The following CES1 variants were observed in gnomAD, a reference collection of about 807,000 sequenced individuals.
CES1 encodes the protein carboxylesterase 1, also known as liver carboxylesterase 1.
Under a neutral mutation model 53.0 loss-of-function variants are expected in CES1, and 50 were observed. That is an observed-to-expected ratio of 0.94 (90% CI 0.75 to 1.19). The LOEUF (loss-of-function observed/expected upper bound fraction) is 1.19. Among genes scored for constraint, CES1 ranks in the 50% most tolerant of loss-of-function variants. The pLI is 0.00. For missense variants in CES1, 534 were observed against 538.0 expected, an observed-to-expected ratio of 0.99 and a Z score of 0.07; for synonymous variants, 202 against 210.1, an observed-to-expected ratio of 0.96 and a Z score of 0.33.
intron 7 of CES1, among the ~76,000 whole-genome samples, chr16:55,818,088 T>A (rs1210092918): frequency 6.6e-6 from 1 of 152,072 alleles, no homozygotes; most frequent in East Asian, 1.9e-4. Flanking sequence ...CAGAGTCCAG[T>A]GATAGAGGCC....
chr16:55,817,766 G>A (rs2032007266), intron 7 of CES1, among the ~76,000 whole-genome samples: 1 of 150,772 alleles, frequency 6.6e-6, no homozygotes, highest in Non-Finnish European at 1.5e-5. Context: ...GTCTGTGTGT[G>A]TGTGTGTTTG....
At chr16:55,814,766 T>A (rs533435935) in intron 8 of CES1, among the ~76,000 whole-genome samples, 7 of 152,246 alleles carry the variant, frequency 4.6e-5, no homozygotes, top group African/African-American at 1.4e-4. Context: ...ACCTTTGGTC[T>A]GCTCTACAAA....
In CES1 at chr16:55,826,294, A is replaced by G. The variant is rs149261413; in HGVS notation, c.262T>C (p.Cys88Arg). ...TGCCCCGCCTTGGGATCTTGGGTGCACCTGGGGAGGGGGAAAGAAGAACCC... is the reference window on the plus strand; with the variant it reads ...TGCCCCGCCTTGGGATCTTGGGTGCGCCTGGGGAGGGGGAAAGAAGAACCC... ...VKNATSYPPM[C>R]TQDPKAGQLL... Residue 88 changes from cysteine to arginine, a missense_variant and splice_region_variant, in exon 3 of 14, where the codon TGC becomes CGC. Transcript: ENST00000360526. The G allele has an allele frequency of 2.3e-4, 375 of 1,613,918 alleles. No individual in the cohort carries two copies. Among genetic ancestry groups the G allele is most frequent in the Non-Finnish European group, 2.9e-4 (342 of 1,179,808 alleles).
chr16:55,824,068 T>C (rs1597085399), intron 3 of CES1, among the ~76,000 whole-genome samples: 1 of 152,340 alleles, frequency 6.6e-6, no homozygotes, highest in East Asian at 1.9e-4. Context: ...GGGCAGCCCT[T>C]GTATCTCAGC....
At chr16:55,822,090 GC>G (rs1263509283) in intron 4 of CES1, among the ~76,000 whole-genome samples, 1 of 152,244 alleles carries the variant, frequency 6.6e-6, no homozygotes, top group Non-Finnish European at 1.5e-5. Context: ...AGGGCCTGGG[GC>G]CCAGTGAAAG....
intron 2 of CES1, among the ~76,000 whole-genome samples, 167 bp downstream of exon 2, chr16:55,828,600 G>T (rs1251170786): frequency 6.6e-6 from 1 of 151,988 alleles, no homozygotes; most frequent in Admixed American, 6.5e-5. Context: ...ATAAACATGT[G>T]TTAAATAATG....
At chr16:55,811,210 C>CAA (rs147594975) in intron 9 of CES1, among the ~76,000 whole-genome samples, 200 bp from the exon 10 acceptor site, 2,883 of 139,108 alleles carry the variant, frequency 0.021, 75 homozygotes, top group African/African-American at 0.059. Flanking sequence ...GCAAAGTTTA[C>CAA]AAAAAAAAAA....
intron 7 of CES1, among the ~76,000 whole-genome samples, chr16:55,817,838 G>A (rs1164593912): frequency 6.6e-6 from 1 of 152,148 alleles, no homozygotes; most frequent in Admixed American, 6.5e-5. Context: ...GCTTCCACAA[G>A]ATCTCAGAAA....
At position 55,810,605 on chromosome 16, in the gene CES1, G is replaced by C. The variant is rs370123191; in HGVS notation, c.1230C>G (p.Asp410Glu). ...ATEKYLGGTD[D>E]TVKKKDLFLD... ...GGAACAGGTCTTTCTTTTTGACAGTGTCGTCTGTTCCTCCTAAGTATTTCT... is the reference window on the plus strand; with the variant it reads ...GGAACAGGTCTTTCTTTTTGACAGTCTCGTCTGTTCCTCCTAAGTATTTCT... The change falls in exon 11 of 14, where the codon GAC (aspartate) becomes GAG (glutamate). Residue 410 changes from aspartate to glutamate, a missense_variant. This residue lies in a region of CES1 where 269 missense variants were observed against 206.6 expected (regional missense o/e 1.30). Coordinates refer to ENST00000360526, the MANE Select transcript of CES1 (RefSeq NM_001025195.2). 79 of 1,613,942 alleles carry C rather than the reference G, an allele frequency of 4.9e-5. No homozygotes were observed. The highest frequency in any genetic ancestry group is 6.5e-5 in the Non-Finnish European group (77 of 1,179,966).
chr16:55,817,966 C>T (rs1213958877), intron 7 of CES1, among the ~76,000 whole-genome samples: 2 of 152,294 alleles, frequency 1.3e-5, no homozygotes, highest in Admixed American at 6.5e-5. Flanking sequence ...TGCCTCCTTC[C>T]GGGCGTTAGA....
Position 55,810,992 on chromosome 16 carries a change from GT to G in CES1, c.1104del (p.Leu369SerfsTer28). 6.2e-7 allele frequency: 1 copy of G among 1,608,876 alleles called. No individual in the cohort carries two copies. Among genetic ancestry groups the G allele is most frequent in the Non-Finnish European group, 8.5e-7 (1 of 1,178,378 alleles). ...WLIPMQLMSY[P>X]LSEGQLDQKT... ...TTCTGGTCCAGTTGCCCTTCGGAGA[GT>G]GGATAGCTCATCAACTGCTAAAAAA... On this transcript the variant is annotated frameshift_variant, in exon 10 of 14. Transcript: ENST00000360526. LOFTEE classifies it high-confidence loss of function.
chr16:55,820,749 T>C (rs2032146269), intron 5 of CES1, among the ~76,000 whole-genome samples: 1 of 152,064 alleles, frequency 6.6e-6, no homozygotes, highest in Non-Finnish European at 1.5e-5. Context: ...GTTGTGTCTA[T>C]GACCCACAAC....
At position 55,826,154 on chromosome 16, in the gene CES1, C is replaced by A. The variant is rs2032406013; in HGVS notation, c.402G>T (p.Leu134=). The A allele has an allele frequency of 3.7e-6, 6 of 1,613,870 alleles. No individual in the cohort carries two copies. Among genetic ancestry groups the A allele is most frequent in the Non-Finnish European group, 4.2e-6 (5 of 1,179,868 alleles). The change falls in exon 3 of 14, where the codon CTG becomes CTT. Residue 134 remains leucine, a synonymous_variant. Coordinates refer to ENST00000360526, the MANE Select transcript of CES1 (RefSeq NM_001025195.2). ...TPADLTKKNR[L]PVMVWIHGGG... ...ACCAGGGGGTCCCACAACTTACCGG[C>A]AGCCTGTTTTTCTTGGTCAAGTCAG...
At chr16:55,821,340 G>A in intron 5 of CES1, 28 bp downstream of exon 5, 1 of 1,614,036 alleles carries the variant, frequency 6.2e-7, no homozygotes. Context: ...TCAAGCGTGG[G>A]GTTGGGCCTG....
At position 55,810,933 on chromosome 16, in the gene CES1, G is replaced by C; in HGVS notation, c.1164C>G (p.Pro388=). 6.2e-7 allele frequency: 1 copy of C among 1,613,378 alleles called. No homozygotes were observed. The highest frequency in any genetic ancestry group is 8.5e-7 in the Non-Finnish European group (1 of 1,179,490). The change falls in exon 10 of 14, where the codon CCC becomes CCG. Residue 388 remains proline (P), a synonymous_variant. Transcript: ENST00000360526. ...ATGATTCCTAGACTCTTACAACAAG[G>C]GGATAGGACTTCCACAGGAGTGACA... is the stretch of plus-strand genomic sequence containing the variant. ...TAMSLLWKSY[P]LVCIAKELIP... is the part of the protein sequence containing the mutation.
chr16:55,820,723 AC>A (rs1157516945), intron 5 of CES1, among the ~76,000 whole-genome samples: 2 of 151,458 alleles, frequency 1.3e-5, no homozygotes, highest in African/African-American at 4.9e-5. Context: ...TCCCAGCAGG[AC>A]CCCTCACACC....
chr16:55,827,522 A>C (rs2032466447), intron 2 of CES1, among the ~76,000 whole-genome samples: 1 of 152,212 alleles, frequency 6.6e-6, no homozygotes, highest in African/African-American at 2.4e-5. Context: ...TGGGAGGGAA[A>C]TCAAACAAGA....
At chr16:55,812,777 T>A (rs1965658) in intron 9 of CES1, 126 bp downstream of exon 9, 1 of 1,350,002 alleles carries the variant, frequency 7.4e-7, no homozygotes, top group South Asian at 1.2e-5. Flanking sequence ...AAATGTTAAC[T>A]CCTGCTGAAG....
At chr16:55,821,682 T>C (rs189987052) in intron 4 of CES1, among the ~76,000 whole-genome samples, 161 bp from the exon 5 acceptor site, 1 of 152,320 alleles carries the variant, frequency 6.6e-6, no homozygotes, top group South Asian at 2.1e-4. Context: ...TGTGGTGATG[T>C]ATGGTTCTAC....
Sources: gnomAD v4.1 joint callset for allele counts (sites outside exome capture counted in the v4.1 genomes callset) on GRCh38, gnomAD v4.1.1 for gene constraint, gnomAD v4.1.1 regional missense constraint, MANE v1.5 for transcripts, NCBI Gene and HGNC (gene_info 2026-07-23, HGNC 2026-07-21) for gene names.